The following PLAC9 variants were observed in gnomAD, a reference collection of about 807,000 sequenced individuals.
The protein encoded by PLAC9 is placenta associated 9.
A neutral mutation model predicts 11.5 loss-of-function variants in PLAC9; 12 were observed. The observed-to-expected ratio is 1.05, with a 90% confidence interval of 0.67 to 1.69. PLAC9 has a LOEUF of 1.69. PLAC9 is among the 40% of genes most tolerant of loss of function. The pLI is 0.00. For synonymous variants in PLAC9, 62 were observed against 58.1 expected, an observed-to-expected ratio of 1.07 and a Z score of -0.31; for missense variants, 132 against 130.5, an observed-to-expected ratio of 1.01 and a Z score of -0.06.
At chr10:80,144,844 G>A (rs1179089611) in intron 3 of PLAC9, 56 bp from the exon 4 acceptor site, 9 of 1,527,546 alleles carry the variant, frequency 5.9e-6, no homozygotes, top group African/African-American at 5.5e-5. Context: ...GCACCACGGG[G>A]GCAGGTACTC....
intron 1 of PLAC9, among the ~76,000 whole-genome samples, chr10:80,137,079 G>A (rs1266004277): frequency 1.3e-5 from 2 of 152,214 alleles, no homozygotes; most frequent in African/African-American, 2.4e-5. Flanking sequence ...ACAATGTCAG[G>A]CCCTGCTCCA....
At chr10:80,132,134 C>A (rs1447586670), upstream of PLAC9, among the ~76,000 whole-genome samples, 1 of 152,078 alleles carries the variant, frequency 6.6e-6, no homozygotes, top group Admixed American at 6.6e-5. Context: ...AATTTCATAT[C>A]TTTGCGAGAG....
chr10:80,144,733 G>A (rs571922288), intron 3 of PLAC9, among the ~76,000 whole-genome samples, 167 bp from the exon 4 acceptor site: 1 of 152,164 alleles, frequency 6.6e-6, no homozygotes, highest in Non-Finnish European at 1.5e-5. Flanking sequence ...CGTCCCCACT[G>A]ATCAGGCAGG....
chr10:80,137,701 GC>G (rs921669805), intron 1 of PLAC9, among the ~76,000 whole-genome samples: 3 of 152,160 alleles, frequency 2.0e-5, no homozygotes, highest in Non-Finnish European at 2.9e-5. Flanking sequence ...GATCACTTAA[GC>G]CCAGGGGTTT....
intron 1 of PLAC9, among the ~76,000 whole-genome samples, chr10:80,135,991 C>G (rs1844971154): frequency 6.6e-6 from 1 of 152,188 alleles, no homozygotes; most frequent in Admixed American, 6.5e-5. Context: ...TTCTCAACCC[C>G]CAGCATGCAG....
At chr10:80,137,316 C>T (rs1379936802) in intron 1 of PLAC9, among the ~76,000 whole-genome samples, 1 of 152,178 alleles carries the variant, frequency 6.6e-6, no homozygotes. Context: ...GGAGCAGGCT[C>T]TGGTTGTTCT....
At chr10:80,140,855 T>C (rs1224964688) in intron 1 of PLAC9, among the ~76,000 whole-genome samples, 1 of 152,178 alleles carries the variant, frequency 6.6e-6, no homozygotes, top group Non-Finnish European at 1.5e-5. Context: ...TTACCTCTTG[T>C]TCCTCCTGTG....
At chr10:80,144,673 C>G (rs1845080844) in intron 3 of PLAC9, among the ~76,000 whole-genome samples, 1 of 152,188 alleles carries the variant, frequency 6.6e-6, no homozygotes, top group African/African-American at 2.4e-5. Flanking sequence ...TTAATTTTCC[C>G]CTGAGCAGCC....
At chr10:80,141,022 C>T (rs1053801258) in intron 1 of PLAC9, among the ~76,000 whole-genome samples, 8 of 152,004 alleles carry the variant, frequency 5.3e-5, no homozygotes, top group African/African-American at 1.9e-4. Context: ...GGCATAACAA[C>T]AGGTTGTTGG....
At chr10:80,132,693 G>A, upstream of PLAC9, 1 of 1,318,590 alleles carries the variant, frequency 7.6e-7, no homozygotes, top group Non-Finnish European at 9.9e-7. Flanking sequence ...TTCCTCTCGG[G>A]CCGGCCGGGT....
intron 1 of PLAC9, among the ~76,000 whole-genome samples, chr10:80,137,398 C>T (rs184723434): frequency 5.0e-4 from 76 of 152,290 alleles, no homozygotes; most frequent in African/African-American, 1.7e-3. Flanking sequence ...GAGCCTTACA[C>T]GGGAGAGTGG....
At chr10:80,142,520 T>C (rs1159916646) in intron 2 of PLAC9, among the ~76,000 whole-genome samples, 6 of 152,186 alleles carry the variant, frequency 3.9e-5, no homozygotes, top group East Asian at 1.9e-4. Flanking sequence ...TTAACTGAAA[T>C]TGAGCATTCT....
chr10:80,140,815 C>G (rs1479706650), intron 1 of PLAC9, among the ~76,000 whole-genome samples: 2 of 152,188 alleles, frequency 1.3e-5, no homozygotes, highest in Non-Finnish European at 2.9e-5. Context: ...AGGTGTGAGC[C>G]ACCATGCCTG....
intron 1 of PLAC9, among the ~76,000 whole-genome samples, chr10:80,140,846 T>A (rs906828414): frequency 2.0e-5 from 3 of 152,314 alleles, no homozygotes; most frequent in African/African-American, 7.2e-5. Context: ...CAATATTCTT[T>A]ACCTCTTGTT....
chr10:80,136,175 G>C lies in PLAC9; in HGVS notation c.64+3349G>C, dbSNP rs553486689. On this transcript the variant is annotated intron_variant, in intron 1 of 3. Transcript: ENST00000372263. The stretch of plus-strand genomic sequence containing the variant: ...CCGAGCCCTCCTCTGGGGCCTCCGG[G>C]CTCCACAGCAGCGTGTTCTCACCAG... 7.9e-5 allele frequency among the ~76,000 whole-genome samples: 12 copies of C among 152,274 alleles called. 2 individuals are homozygous for C. The East Asian group carries it at 2.1e-3, about 27-fold the overall frequency.
chr10:80,144,186 A>C, intron 2 of PLAC9, 37 bp from the exon 3 acceptor site: 1 of 1,613,926 alleles, frequency 6.2e-7, no homozygotes. Flanking sequence ...ACGTGGAACC[A>C]CTTCTGTCCT....
At chr10:80,133,254 G>C (rs1213528944) in intron 1 of PLAC9, among the ~76,000 whole-genome samples, 1 of 152,164 alleles carries the variant, frequency 6.6e-6, no homozygotes, top group Non-Finnish European at 1.5e-5. Flanking sequence ...GGAGAGAGAG[G>C]GAAGCTCGAT....
intron 1 of PLAC9, 64 bp downstream of exon 1, chr10:80,132,890 G>C: frequency 7.3e-7 from 1 of 1,368,066 alleles, no homozygotes; most frequent in Non-Finnish European, 9.7e-7. Flanking sequence ...TGGCGAGGAA[G>C]GAATGAGCGA....
chr10:80,132,711 G>T, upstream of PLAC9: 1 of 1,408,972 alleles, frequency 7.1e-7, no homozygotes, highest in South Asian at 1.4e-5. Flanking sequence ...GGTGCGATCC[G>T]GGAAGGGCGG....
Sources: gnomAD v4.1 joint callset for allele counts (sites outside exome capture counted in the v4.1 genomes callset) on GRCh38, gnomAD v4.1.1 for gene constraint, MANE v1.5 for transcripts, NCBI Gene and HGNC (gene_info 2026-07-23, HGNC 2026-07-21) for gene names.